Variants in GABRB1 observed in about 807,000 individuals in gnomAD.
The protein encoded by GABRB1 is gamma-aminobutyric acid type A receptor subunit beta1, also known as gamma-aminobutyric acid receptor subunit beta-1.
A neutral mutation model predicts 51.6 loss-of-function variants in GABRB1; 17 were observed. That is an observed-to-expected ratio of 0.33 (90% CI 0.23 to 0.49). The LOEUF (loss-of-function observed/expected upper bound fraction) is 0.49, where lower values mean the gene tolerates loss of function less well. Among genes scored for constraint, GABRB1 ranks in the 20% least tolerant of loss-of-function variants. The pLI, the probability that GABRB1 is intolerant of heterozygous loss-of-function variation, is 0.99. For missense variants in GABRB1, 410 were observed against 600.6 expected (o/e 0.68, Z 3.32); for synonymous variants, 247 against 218.9 (o/e 1.13, Z -1.14).
intron 4 of GABRB1, among the ~76,000 whole-genome samples, chr4:47,233,040 A>G (rs1309293660): frequency 6.6e-6 from 1 of 151,890 alleles, no homozygotes; most frequent in East Asian, 1.9e-4. Context: ...ATGCCCAGCT[A>G]ATTTTTTTGT....
intron 3 of GABRB1, among the ~76,000 whole-genome samples, chr4:47,074,729 A>G (rs1055990609): frequency 6.6e-6 from 1 of 152,090 alleles, no homozygotes; most frequent in African/African-American, 2.4e-5. Flanking sequence ...AGCCTTACCT[A>G]GCATGCGAAT....
At chr4:47,121,952 G>A (rs1433338132) in intron 3 of GABRB1, among the ~76,000 whole-genome samples, 1 of 151,966 alleles carries the variant, frequency 6.6e-6, no homozygotes, top group Non-Finnish European at 1.5e-5. Context: ...ATATTAATTT[G>A]TTAGGCATGA....
intron 4 of GABRB1, among the ~76,000 whole-genome samples, chr4:47,306,466 G>A (rs1297430188): frequency 1.3e-5 from 2 of 151,294 alleles, no homozygotes. Context: ...GAGGAAAAGA[G>A]GAAGGAAAGG....
At chr4:47,297,634 A>C (rs1426587584) in intron 4 of GABRB1, among the ~76,000 whole-genome samples, 2 of 152,176 alleles carry the variant, frequency 1.3e-5, no homozygotes, top group Non-Finnish European at 2.9e-5. Context: ...CCAACCAAAA[A>C]GAGTCCAGGA....
At chr4:47,422,523 C>T (rs569305159) in intron 8 of GABRB1, among the ~76,000 whole-genome samples, 1 of 152,168 alleles carries the variant, frequency 6.6e-6, no homozygotes, top group East Asian at 1.9e-4. Flanking sequence ...TTCATTCCCC[C>T]TGTTCTCTCT....
Position 47,158,950 on chromosome 4 carries a change from C to CA in GABRB1, c.241-2293dup, listed in dbSNP as rs561737945. Among the ~76,000 whole-genome samples, 112 of 151,874 alleles carry CA rather than the reference C, an allele frequency of 7.4e-4. 1 individual carries two copies. Among genetic ancestry groups the CA allele is most frequent in the Non-Finnish European group, 1.2e-3 (82 of 67,930 alleles). The stretch of plus-strand genomic sequence containing the variant: ...CCTTAATTTTCTCAATTGATGCTCA[C>CA]AAAAAACCAGTAAAATGCTACTTTT... On this transcript the variant is annotated intron_variant, in intron 3 of 8. Coordinates refer to ENST00000295454, the MANE Select transcript of GABRB1 (RefSeq NM_000812.4).
In GABRB1 at chr4:47,426,428, C is replaced by CAAAAAAAAAAAAAAAAAACAAAAAAAAA. The variant is rs1729300429; in HGVS notation, c.*428_*429insCAAAAAAAAAAAAAAAAAAAAAAAAAAA. ...GTAAACTATAACAAACTTATGCTGC[C>CAAAAAAAAAAAAAAAAAACAAAAAAAAA]AAAAAAAAAAAAAAAAAAACATAAA... On this transcript the variant is annotated 3_prime_UTR_variant, in exon 9 of 9. Transcript: ENST00000295454. The CAAAAAAAAAAAAAAAAAACAAAAAAAAA allele has an allele frequency of 1.2e-5, 1 of 84,828 alleles. No homozygotes were observed. The highest frequency in any genetic ancestry group is 2.6e-5 in the Non-Finnish European group (1 of 38,400). 5.3% of individuals were successfully genotyped at this position (84,828 alleles called of 1,614,324 possible). A position where few individuals can be genotyped will look rare whatever the true frequency, so the allele number is the denominator to read the frequency against.
intron 7 of GABRB1, among the ~76,000 whole-genome samples, chr4:47,405,267 TC>T (rs1480978812): frequency 1.3e-5 from 2 of 152,194 alleles, no homozygotes; most frequent in African/African-American, 4.8e-5. Flanking sequence ...AGCCCTGACC[TC>T]CTACTTTATC....
intron 3 of GABRB1, among the ~76,000 whole-genome samples, chr4:47,090,744 G>T (rs1276944242): frequency 6.6e-6 from 1 of 152,186 alleles, no homozygotes; most frequent in South Asian, 2.1e-4. Flanking sequence ...GAGTGTCGAT[G>T]GACTAGAGAG....
At chr4:47,056,475 C>T (rs1726610235) in intron 3 of GABRB1, among the ~76,000 whole-genome samples, 1 of 152,064 alleles carries the variant, frequency 6.6e-6, no homozygotes, top group South Asian at 2.1e-4. Context: ...AGGGTGGTGG[C>T]TCAGGTCACA....
chr4:47,283,546 G>T (rs998270305), intron 4 of GABRB1, among the ~76,000 whole-genome samples: 2 of 150,408 alleles, frequency 1.3e-5, no homozygotes, highest in African/African-American at 4.9e-5. Context: ...CCGCCACCAC[G>T]CCCGGCTAAA....
chr4:47,295,154 G>A (rs1213397466), intron 4 of GABRB1, among the ~76,000 whole-genome samples: 5 of 152,126 alleles, frequency 3.3e-5, no homozygotes, highest in African/African-American at 4.8e-5. Context: ...CACAAAGATG[G>A]GGAAAAAACG....
In GABRB1 at chr4:47,326,963, A is replaced by G. The variant is rs186555945; in HGVS notation, c.544+6754A>G. Among the ~76,000 whole-genome samples the G allele has an allele frequency of 5.8e-3, 884 of 152,324 alleles. 3 individuals carry two copies. Among genetic ancestry groups the G allele is most frequent in the Non-Finnish European group, 8.3e-3 (567 of 68,032 alleles). On this transcript the variant is annotated intron_variant, in intron 5 of 8. Transcript: ENST00000295454. The stretch of plus-strand genomic sequence containing the variant: ...GGATCATTGTTTTGCTCACCATTCA[A>G]TCACTAAACCTAGTCTAGTACCTGA...
chr4:46,999,594 A>T (rs1724119213), intron 1 of GABRB1, among the ~76,000 whole-genome samples: 1 of 152,220 alleles, frequency 6.6e-6, no homozygotes, highest in Non-Finnish European at 1.5e-5. Context: ...ATCAGGAGTA[A>T]ATGTATACAA....
chr4:47,311,856 C>A (rs188760558), intron 4 of GABRB1, among the ~76,000 whole-genome samples: 66 of 152,200 alleles, frequency 4.3e-4, no homozygotes, highest in African/African-American at 1.5e-3. Context: ...AACCCGCAAT[C>A]CATTATTTGT....
intron 8 of GABRB1, among the ~76,000 whole-genome samples, chr4:47,407,855 T>C (rs1175700371): frequency 1.3e-5 from 2 of 152,172 alleles, no homozygotes; most frequent in South Asian, 2.1e-4. Flanking sequence ...TCCCAGCACT[T>C]TGGGAGGCTG....
At chr4:47,078,402 T>A (rs1727669034) in intron 3 of GABRB1, among the ~76,000 whole-genome samples, 1 of 152,110 alleles carries the variant, frequency 6.6e-6, no homozygotes. Flanking sequence ...TAACCCCACG[T>A]CCTTTCCATC....
chr4:47,123,903 A>G (rs1577929388), intron 3 of GABRB1, among the ~76,000 whole-genome samples: 1 of 56,670 alleles, frequency 1.8e-5, no homozygotes, highest in Non-Finnish European at 4.3e-5. Flanking sequence ...TATATAATAT[A>G]TTATATATTA....
intron 3 of GABRB1, among the ~76,000 whole-genome samples, chr4:47,138,691 G>A (rs2109688383): frequency 6.6e-6 from 1 of 152,150 alleles, no homozygotes; most frequent in African/African-American, 2.4e-5. Context: ...TGCCCACATT[G>A]TAACCATATG....
Sources: allele counts gnomAD v4.1 joint callset (sites outside exome capture counted in the v4.1 genomes callset), GRCh38; gene constraint gnomAD v4.1.1; transcripts MANE v1.5; gene names NCBI Gene and HGNC (gene_info 2026-07-23, HGNC 2026-07-21).